The following GOLGA5 variants were observed in gnomAD, a reference collection of about 807,000 sequenced individuals.
GOLGA5 encodes the protein golgin A5.
In GOLGA5, 50 loss-of-function variants were observed where a neutral mutation model predicts 93.5. The ratio of observed to expected loss-of-function variants is 0.53; its 90% CI spans 0.43 to 0.68. GOLGA5 has a LOEUF of 0.68. Among genes scored for constraint, GOLGA5 ranks in the 30% least tolerant of loss-of-function variants. The pLI is 0.00. For missense variants in GOLGA5, 760 were observed against 856.4 expected (o/e 0.89, Z 1.40); for synonymous variants, 312 against 304.5 (o/e 1.02, Z -0.26).
At chr14:92,800,314 G>T (rs1884840864) in intron 2 of GOLGA5, among the ~76,000 whole-genome samples, 1 of 152,218 alleles carries the variant, frequency 6.6e-6, no homozygotes, top group Non-Finnish European at 1.5e-5. Context: ...TTCACAGAGG[G>T]TCTGTATTTT....
chr14:92,826,633 G>A (rs1283259025), intron 9 of GOLGA5, among the ~76,000 whole-genome samples: 2 of 151,622 alleles, frequency 1.3e-5, no homozygotes, highest in Non-Finnish European at 1.5e-5. Flanking sequence ...AGAAGGCAGA[G>A]GTTGCAGTGA....
intron 10 of GOLGA5, among the ~76,000 whole-genome samples, chr14:92,834,509 A>C (rs1226408122): frequency 1.3e-5 from 2 of 152,202 alleles, no homozygotes; most frequent in African/African-American, 4.8e-5. Flanking sequence ...AACAATGAGG[A>C]GGCATAGAAA....
chr14:92,806,718 G>A lies in GOLGA5; in HGVS notation c.545-18G>A, dbSNP rs367603631. 13 of 1,549,692 alleles carry A rather than the reference G, an allele frequency of 8.4e-6. No homozygotes were observed. Among genetic ancestry groups the A allele is most frequent in the Middle Eastern group, 3.4e-4 (2 of 5,954 alleles). ...ATGAACACGCCAATGTAACAAAAAC[G>A]TATTCTTTTTTTTACAGAAGCTGCC... On this transcript the variant is annotated intron_variant, in intron 2 of 12. Transcript: ENST00000163416.
chr14:92,817,189 C>T (rs1273279328), intron 7 of GOLGA5, among the ~76,000 whole-genome samples: 2 of 152,170 alleles, frequency 1.3e-5, no homozygotes, highest in East Asian at 3.9e-4. Flanking sequence ...GATCCGCCCA[C>T]CTCGGCCTCC....
chr14:92,797,853 A>C lies in GOLGA5; in HGVS notation c.416A>C (p.Glu139Ala), dbSNP rs1247447448. 6.2e-7 allele frequency: 1 copy of C among 1,613,944 alleles called. No individual in the cohort carries two copies. The highest frequency in any genetic ancestry group is 1.3e-5 in the African/African-American group (1 of 74,922). Residue 139 changes from glutamate to alanine, a missense_variant, in exon 2 of 13, where the codon GAA becomes GCA. Coordinates refer to ENST00000163416, the MANE Select transcript of GOLGA5 (RefSeq NM_005113.4). Reference sequence around the variant, plus strand: ...CAGAAGGAGCCTACCGGGAGGGTGGAAATCAGAAAGGAAAAAGGCAAGACA... The same window carrying C: ...CAGAAGGAGCCTACCGGGAGGGTGGCAATCAGAAAGGAAAAAGGCAAGACA... ...SSQKEPTGRV[E>A]IRKEKGKTPV... is the part of the protein sequence containing the mutation.
In GOLGA5 at chr14:92,817,132, G is replaced by T. The variant is rs144785481; in HGVS notation, c.1491+711G>T. Among the ~76,000 whole-genome samples the T allele has an allele frequency of 5.4e-3, 826 of 151,886 alleles. 4 individuals carry two copies. The highest frequency in any genetic ancestry group is 0.019 in the African/African-American group (796 of 41,414). ...ATTTTTGTATTCTTAGTAGAGATGG[G>T]GTTTCACCATGTTGCCCAGGCTGGT... On this transcript the variant is annotated intron_variant, in intron 7 of 12. Transcript: ENST00000163416.
intron 8 of GOLGA5, among the ~76,000 whole-genome samples, chr14:92,820,686 G>A (rs1013449708): frequency 2.0e-5 from 3 of 152,170 alleles, no homozygotes; most frequent in Non-Finnish European, 4.4e-5. Context: ...GCAGCTTTCC[G>A]CAGTGCATTG....
Position 92,839,412 on chromosome 14 carries a change from C to T in GOLGA5, c.2162C>T (p.Pro721Leu), listed in dbSNP as rs1885713233. 1 of 1,611,770 alleles carries T rather than the reference C, an allele frequency of 6.2e-7. No individual in the cohort carries two copies. Among genetic ancestry groups the T allele is most frequent in the Non-Finnish European group, 8.5e-7 (1 of 1,178,962 alleles). The change falls in exon 13 of 13, where the codon CCA (proline) becomes CTA (leucine). Residue 721 changes from proline to leucine, a missense_variant. Coordinates refer to ENST00000163416, the MANE Select transcript of GOLGA5 (RefSeq NM_005113.4). ...WVMIVLLTYT[P>L]EMHHDQPYGK Reference sequence around the variant, plus strand: ...ATGATTGTTCTGTTGACTTACACACCAGAAATGCACCACGACCAACCATAT... The same window carrying T: ...ATGATTGTTCTGTTGACTTACACACTAGAAATGCACCACGACCAACCATAT...
At chr14:92,833,463 A>T in intron 10 of GOLGA5, 116 bp downstream of exon 10, 1 of 725,150 alleles carries the variant, frequency 1.4e-6, no homozygotes, top group Non-Finnish European at 2.4e-6. Flanking sequence ...CAATTTTCTG[A>T]TATGAGACCT....
chr14:92,835,966 A>T (rs11850820), intron 11 of GOLGA5, among the ~76,000 whole-genome samples: 2 of 72,866 alleles, frequency 2.7e-5, no homozygotes, highest in African/African-American at 1.2e-4. Flanking sequence ...AATAAATTCT[A>T]TTTTTAAAAA....
chr14:92,828,357 T>C (rs1466137124), intron 9 of GOLGA5, among the ~76,000 whole-genome samples: 1 of 152,228 alleles, frequency 6.6e-6, no homozygotes, highest in East Asian at 1.9e-4. Flanking sequence ...GCTTGTGCTC[T>C]GTAAAGGGAA....
rs780288579 is a variant in GOLGA5 at position 92,794,382 on chromosome 14, C to T, written c.-105C>T. 2.6e-5 allele frequency: 4 copies of T among 152,340 alleles called. No individual in the cohort carries two copies. Among genetic ancestry groups the T allele is most frequent in the Non-Finnish European group, 4.4e-5 (3 of 68,122 alleles). 9.4% of individuals were successfully genotyped at this position (152,340 alleles called of 1,614,324 possible). ...AGGAGGTTTACTCAGCTTGGGCCCC[C>T]TCCGGGCCAGCCGCCGAGGGGGCGC... On this transcript the variant is annotated 5_prime_UTR_variant, in exon 1 of 13. Transcript: ENST00000163416.
chr14:92,796,908 T>C (rs1270906979), intron 1 of GOLGA5, among the ~76,000 whole-genome samples: 1 of 106,110 alleles, frequency 9.4e-6, no homozygotes, highest in Non-Finnish European at 1.8e-5. Flanking sequence ...AAGCGGAGCT[T>C]GCAGTGAGCC....
In GOLGA5 at chr14:92,816,415, A is replaced by T; in HGVS notation, c.1485A>T (p.Glu495Asp). The change falls in exon 7 of 13, where the codon GAA becomes GAT. Residue 495 changes from glutamate (E) to aspartate (D), a missense_variant. Glu to Asp is a conservative substitution (Grantham distance 45, BLOSUM62 2). Transcript: ENST00000163416. ...LMGQIHQLRS[E>D]LQDMEAQQVN... ...GCCAGATACATCAGCTCAGATCCGA[A>T]TTACAGGTAAGATTCATGGTGGTTC... 6.2e-7 allele frequency: 1 copy of T among 1,613,612 alleles called. No individual in the cohort carries two copies. Among genetic ancestry groups the T allele is most frequent in the Non-Finnish European group, 8.5e-7 (1 of 1,179,630 alleles).
chr14:92,835,671 A>G lies in GOLGA5; in HGVS notation c.2051+7A>G, dbSNP rs764925101. 6 of 1,551,134 alleles carry G rather than the reference A, an allele frequency of 3.9e-6. No homozygotes were observed. The highest frequency in any genetic ancestry group is 5.3e-6 in the Non-Finnish European group (6 of 1,122,898). On this transcript the variant is annotated splice_region_variant and intron_variant, in intron 11 of 12. Transcript: ENST00000163416. ...GTTCAATTGATCAGTTTAGGTAAGC[A>G]ATGCCAGTAGGGATGAGTGATGGAC...
intron 2 of GOLGA5, among the ~76,000 whole-genome samples, chr14:92,804,390 T>C (rs755228983): frequency 7.7e-4 from 117 of 151,690 alleles, no homozygotes; most frequent in Non-Finnish European, 1.5e-3. Flanking sequence ...TTAAAATCTT[T>C]ATTTTAGAAA....
chr14:92,824,314 G>T (rs568240992), intron 8 of GOLGA5, among the ~76,000 whole-genome samples: 1 of 152,006 alleles, frequency 6.6e-6, no homozygotes, highest in South Asian at 2.1e-4. Context: ...ATTTATTATG[G>T]ATCTTTGTTT....
intron 2 of GOLGA5, among the ~76,000 whole-genome samples, chr14:92,798,269 A>G (rs1319433994): frequency 6.6e-6 from 1 of 152,242 alleles, no homozygotes; most frequent in Non-Finnish European, 1.5e-5. Context: ...TAAAAAAAGA[A>G]AATTTTGAAA....
In GOLGA5 at chr14:92,819,822, G is replaced by A; in HGVS notation, c.1606G>A (p.Glu536Lys). 1 of 1,614,036 alleles carries A rather than the reference G, an allele frequency of 6.2e-7. No individual in the cohort carries two copies. The highest frequency in any genetic ancestry group is 8.5e-7 in the Non-Finnish European group (1 of 1,179,952). Reference sequence around the variant, plus strand: ...CAAACAAGAACTAGAGACAGAACTGGAGCGACTGAAGCAGGTCAGGATTTG... The same window carrying A: ...CAAACAAGAACTAGAGACAGAACTGAAGCGACTGAAGCAGGTCAGGATTTG... The part of the protein sequence containing the change: ...ASKQELETEL[E>K]RLKQEFHYIE... The change falls in exon 8 of 13, where the codon GAG becomes AAG. Residue 536 changes from glutamate (E) to lysine (K), a missense_variant. Glu to Lys is a moderately conservative substitution (Grantham distance 56). Coordinates refer to ENST00000163416, the MANE Select transcript of GOLGA5 (RefSeq NM_005113.4).
Sources: gnomAD v4.1 joint callset for allele counts (sites outside exome capture counted in the v4.1 genomes callset) on GRCh38, gnomAD v4.1.1 for gene constraint, MANE v1.5 for transcripts, NCBI Gene and HGNC (gene_info 2026-07-23, HGNC 2026-07-21) for gene names.